The following RPTOR variants were observed in gnomAD, a reference collection of about 807,000 sequenced individuals.
RPTOR encodes the protein regulatory-associated protein of mTOR.
In RPTOR, 21 loss-of-function variants were observed where a neutral mutation model predicts 169.9. That is an observed-to-expected ratio of 0.12 (90% CI 0.09 to 0.18). The LOEUF (loss-of-function observed/expected upper bound fraction) is 0.18, where lower values mean the gene tolerates loss of function less well. Among genes scored for constraint, RPTOR ranks in the 10% least tolerant of loss-of-function variants. RPTOR has a pLI of 1.00. For synonymous variants in RPTOR, 732 were observed against 753.2 expected (o/e 0.97, Z 0.46); for missense variants, 1,133 against 1,855.9 (o/e 0.61, Z 7.16).
At chr17:80,808,037 G>A (rs2067236917) in intron 7 of RPTOR, among the ~76,000 whole-genome samples, 3 of 152,074 alleles carry the variant, frequency 2.0e-5, no homozygotes, top group African/African-American at 7.2e-5. Context: ...GCTCATGCCT[G>A]TAATCTTAAT....
At position 80,746,239 on chromosome 17, in the gene RPTOR, GCCCCCACAGCGGTGCTTTCTGCGGGTGAT is replaced by G; in HGVS notation, c.655-7766_655-7738del. 7.8e-6 allele frequency among the ~76,000 whole-genome samples: 1 copy of G among 128,948 alleles called. No individual in the cohort carries two copies. Among genetic ancestry groups the G allele is most frequent in the Non-Finnish European group, 1.7e-5 (1 of 58,482 alleles). 84.6% of individuals were successfully genotyped at this position (128,948 alleles called of 152,430 possible). A position where few individuals can be genotyped will look rare whatever the true frequency, so the allele number is the denominator to read the frequency against. ...GTGCTTTCTGCGGGTGATCCCCACCGCCCCCACAGCGGTGCTTTCTGCGGGTGATCCCCACCGCCCCCACAGCGGTGCTT... is the reference window on the plus strand; with the variant it reads ...GTGCTTTCTGCGGGTGATCCCCACCGCCCCACCGCCCCCACAGCGGTGCTT... On this transcript the variant is annotated intron_variant, in intron 5 of 33. Transcript: ENST00000306801. This position sits in a 1 kb window ranked among gnomAD's most constrained non-coding sequence, Gnocchi z 4.5.
At chr17:80,789,020 C>T (rs965331482) in intron 6 of RPTOR, among the ~76,000 whole-genome samples, 12 of 152,210 alleles carry the variant, frequency 7.9e-5, no homozygotes, top group East Asian at 5.8e-4. Flanking sequence ...ATCCATGCTA[C>T]GCTTATTCAT....
intron 10 of RPTOR, among the ~76,000 whole-genome samples, chr17:80,838,562 G>T (rs186150296): frequency 1.3e-3 from 202 of 152,378 alleles, no homozygotes; most frequent in African/African-American, 4.5e-3. Context: ...CTTACGTGAG[G>T]CGCCAAGTCT....
chr17:80,723,908 T>A (rs1489250146), intron 4 of RPTOR, among the ~76,000 whole-genome samples: 1 of 151,386 alleles, frequency 6.6e-6, no homozygotes, highest in Admixed American at 6.6e-5. Flanking sequence ...TAATACAATT[T>A]TTGCAATAAA....
chr17:80,953,189 C>T (rs2069204888), intron 28 of RPTOR, among the ~76,000 whole-genome samples: 1 of 152,186 alleles, frequency 6.6e-6, no homozygotes, highest in Non-Finnish European at 1.5e-5. Flanking sequence ...GTTGTGCAGC[C>T]ACCACCTTTA....
Position 80,609,078 on chromosome 17 carries a change from G to A in RPTOR, c.163-16613G>A, listed in dbSNP as rs1314006443. ...AGGAGGAAGTGGCCATGCTGCAGGT[G>A]CCCTAACAGATCCAGGGAAGCATGG... On this transcript the variant is annotated intron_variant, in intron 1 of 33. Transcript: ENST00000306801. The surrounding 1 kb of genome is among the most constrained non-coding windows in gnomAD (Gnocchi z 4.8). Among the ~76,000 whole-genome samples the A allele has an allele frequency of 2.0e-5, 3 of 152,312 alleles. No individual in the cohort carries two copies. The highest frequency in any genetic ancestry group is 6.5e-5 in the Admixed American group (1 of 15,308).
intron 6 of RPTOR, among the ~76,000 whole-genome samples, chr17:80,763,769 G>A (rs750257321): frequency 4.6e-5 from 7 of 152,220 alleles, no homozygotes; most frequent in East Asian, 1.9e-4. Flanking sequence ...CAGACCACAC[G>A]CAATGAAGCT....
At chr17:80,871,610 C>G (rs2068053790) in intron 13 of RPTOR, among the ~76,000 whole-genome samples, 1 of 152,192 alleles carries the variant, frequency 6.6e-6, no homozygotes, top group Admixed American at 6.5e-5. Flanking sequence ...CTTGGATGTG[C>G]TAGGCTTTTG....
intron 1 of RPTOR, among the ~76,000 whole-genome samples, chr17:80,617,814 C>T (rs548091430): frequency 3.3e-5 from 5 of 152,236 alleles, no homozygotes; most frequent in African/African-American, 1.2e-4. Context: ...TGACTGGCTG[C>T]GCACGCTAGG....
Position 80,898,730 on chromosome 17 carries a change from A to C in RPTOR, c.2401+4865A>C, listed in dbSNP as rs564436448. ...CGGCTCCCCCCGCACCTGCTCACCC[A>C]ACCCCTGCTCACCCCGCCCCTGCTC... On this transcript the variant is annotated intron_variant, in intron 20 of 33. Transcript: ENST00000306801. 7.1e-4 allele frequency among the ~76,000 whole-genome samples: 86 copies of C among 121,400 alleles called. 1 individual carries two copies. The highest frequency in any genetic ancestry group is 4.4e-3 in the Admixed American group (52 of 11,740). 79.6% of individuals were successfully genotyped at this position (121,400 alleles called of 152,430 possible).
At chr17:80,664,226 T>C (rs1366881969) in intron 3 of RPTOR, among the ~76,000 whole-genome samples, 1 of 152,212 alleles carries the variant, frequency 6.6e-6, no homozygotes, top group Admixed American at 6.5e-5. Context: ...TGAAATGTGC[T>C]GTGAGGCTTC....
intron 2 of RPTOR, among the ~76,000 whole-genome samples, chr17:80,627,631 T>C (rs2065406076): frequency 6.6e-6 from 1 of 152,202 alleles, no homozygotes; most frequent in Admixed American, 6.5e-5. Flanking sequence ...CTACGTGCAT[T>C]AGTAGTTTTT....
chr17:80,757,853 A>G (rs2066696588), intron 6 of RPTOR, among the ~76,000 whole-genome samples: 1 of 151,540 alleles, frequency 6.6e-6, no homozygotes, highest in Non-Finnish European at 1.5e-5. Context: ...GTCTTCCAGG[A>G]TATTGTAGGG....
chr17:80,930,382 T>TCATCCC, intron 24 of RPTOR, among the ~76,000 whole-genome samples: 25 of 37,642 alleles, frequency 6.6e-4, no homozygotes, highest in African/African-American at 2.6e-3. Flanking sequence ...CATCCCCAGC[T>TCATCCC]CAGCTCAGCT....
In RPTOR at chr17:80,947,160, G is replaced by A; in HGVS notation, c.3141-67G>A. ...ATAGCAGCCCGGTGGGTTTCAGGAGGTATCTCACTGTCATTTGGGTTTGCA... is the reference window on the plus strand; with the variant it reads ...ATAGCAGCCCGGTGGGTTTCAGGAGATATCTCACTGTCATTTGGGTTTGCA... On this transcript the variant is annotated intron_variant, in intron 26 of 33. Transcript: ENST00000306801. This position sits in a 1 kb window ranked among gnomAD's most constrained non-coding sequence, Gnocchi z 4.4. 1 of 1,448,024 alleles carries A rather than the reference G, an allele frequency of 6.9e-7. No individual in the cohort carries two copies. The highest frequency in any genetic ancestry group is 9.2e-7 in the Non-Finnish European group (1 of 1,090,584). The allele number at this position is 1,448,024 out of a possible 1,614,324, so 89.7% of individuals were successfully genotyped here.
chr17:80,923,387 G>A (rs2068770732), intron 22 of RPTOR, 103 bp from the exon 23 acceptor site: 1 of 1,307,920 alleles, frequency 7.6e-7, no homozygotes, highest in Non-Finnish European at 1.1e-6. Context: ...GGGCCCTGGT[G>A]GCACCTGGGA....
chr17:80,707,707 G>T lies in RPTOR; in HGVS notation c.349-134G>T. 1 of 812,160 alleles carries T rather than the reference G, an allele frequency of 1.2e-6. No individual in the cohort carries two copies. The highest frequency in any genetic ancestry group is 1.8e-6 in the Non-Finnish European group (1 of 550,732). The allele number at this position is 812,160 out of a possible 1,614,324, so 50.3% of individuals were successfully genotyped here. ...GTGCCTGGCATTACCTGGTTTTATA[G>T]ATGGAGAAACTCAGAGCCATGTGTC... On this transcript the variant is annotated intron_variant, in intron 3 of 33. Transcript: ENST00000306801. The surrounding 1 kb of genome is among the most constrained non-coding windows in gnomAD (Gnocchi z 5.0).
At chr17:80,568,148 G>T (rs2064866047) in intron 1 of RPTOR, among the ~76,000 whole-genome samples, 1 of 151,978 alleles carries the variant, frequency 6.6e-6, no homozygotes, top group South Asian at 2.1e-4. Flanking sequence ...GCCTCAAGCA[G>T]TCTGCCTGCC....
chr17:80,947,978 T>C lies in RPTOR; in HGVS notation c.3265+627T>C, dbSNP rs1030605017. 3.3e-5 allele frequency among the ~76,000 whole-genome samples: 5 copies of C among 152,258 alleles called. No homozygotes were observed. The highest frequency in any genetic ancestry group is 1.5e-5 in the Non-Finnish European group (1 of 68,048). On this transcript the variant is annotated intron_variant, in intron 27 of 33. Coordinates refer to ENST00000306801, the MANE Select transcript of RPTOR (RefSeq NM_020761.3). The surrounding 1 kb of genome is among the most constrained non-coding windows in gnomAD (Gnocchi z 4.4). The stretch of plus-strand genomic sequence containing the variant: ...ACTTTGGAACAATCGTTTGTTTCCA[T>C]GTCAGTTACCCCACGTTGACAGTCA...
Sources: allele counts gnomAD v4.1 joint callset (sites outside exome capture counted in the v4.1 genomes callset), GRCh38; gene constraint gnomAD v4.1.1; non-coding constraint Gnocchi (gnomAD v3.1); transcripts MANE v1.5; gene names NCBI Gene and HGNC (gene_info 2026-07-23, HGNC 2026-07-21).